EPHA7: variants seen among roughly 807,000 people sequenced by gnomAD.
The protein encoded by EPHA7 is ephrin type-A receptor 7.
EPHA7 carries 25 observed loss-of-function variants against 112.6 expected under a neutral mutation model. The observed-to-expected ratio is 0.22, with a 90% CI of 0.16 to 0.31. The LOEUF (loss-of-function observed/expected upper bound fraction) is 0.31, where lower values mean the gene tolerates loss of function less well. Among genes scored for constraint, EPHA7 ranks in the 10% least tolerant of loss-of-function variants. EPHA7 has a pLI of 1.00. For missense variants in EPHA7, 962 were observed against 1,212.6 expected, an observed-to-expected ratio of 0.79 and a Z score of 3.07; for synonymous variants, 437 against 406.5, an observed-to-expected ratio of 1.07 and a Z score of -0.90.
At chr6:93,246,067 T>G (rs187575054) in intron 15 of EPHA7, among the ~76,000 whole-genome samples, 1 of 152,138 alleles carries the variant, frequency 6.6e-6, no homozygotes, top group African/African-American at 2.4e-5. Flanking sequence ...TCTTTTTTTT[T>G]TGGAGACGGA....
chr6:93,291,764 T>G, intron 5 of EPHA7, among the ~76,000 whole-genome samples: 1 of 11,968 alleles, frequency 8.4e-5, no homozygotes, highest in South Asian at 0.011. Context: ...CGAGACTCCG[T>G]CTCAAAAAAA....
chr6:93,249,502 A>C (rs1303941279), intron 14 of EPHA7, among the ~76,000 whole-genome samples: 1 of 152,166 alleles, frequency 6.6e-6, no homozygotes, highest in Non-Finnish European at 1.5e-5. Flanking sequence ...CAAAATGACC[A>C]CACAATAAGC....
At chr6:93,357,903 A>AC (rs1416192037) in intron 4 of EPHA7, among the ~76,000 whole-genome samples, 6 of 151,786 alleles carry the variant, frequency 4.0e-5, no homozygotes, top group African/African-American at 9.7e-5. Flanking sequence ...ATTATGATCC[A>AC]CCCGCCTTGG....
chr6:93,294,783 T>C (rs1772567228), intron 5 of EPHA7, among the ~76,000 whole-genome samples: 1 of 152,074 alleles, frequency 6.6e-6, no homozygotes, highest in Admixed American at 6.6e-5. Flanking sequence ...TAGATTCACA[T>C]ATGGCATTGA....
chr6:93,399,923 A>T (rs1409390410), intron 3 of EPHA7, among the ~76,000 whole-genome samples: 1 of 152,086 alleles, frequency 6.6e-6, no homozygotes, highest in Non-Finnish European at 1.5e-5. Flanking sequence ...ATCTTTGATG[A>T]TCTTTAAGGC....
intron 9 of EPHA7, among the ~76,000 whole-genome samples, chr6:93,262,019 GAA>G (rs994146285): frequency 5.3e-5 from 8 of 151,326 alleles, no homozygotes; most frequent in Non-Finnish European, 8.9e-5. Flanking sequence ...ATAAATAAAA[GAA>G]AAGTGACATA....
intron 5 of EPHA7, among the ~76,000 whole-genome samples, chr6:93,330,967 C>A (rs1185378277): frequency 2.0e-5 from 3 of 151,326 alleles, no homozygotes; most frequent in African/African-American, 7.3e-5. Flanking sequence ...ACATGCACAC[C>A]TACCCACAAT....
rs888376578 is a variant in EPHA7 at position 93,243,474 on chromosome 6, A to G, written c.2949T>C (p.Thr983=). The G allele has an allele frequency of 1.2e-6, 2 of 1,613,490 alleles. No homozygotes were observed. The highest frequency in any genetic ancestry group is 1.3e-5 in the African/African-American group (1 of 74,922). The change falls in exon 17 of 17, where the codon ACT becomes ACC. Residue 983 remains threonine (T), a synonymous_variant. Coordinates refer to ENST00000369303, the MANE Select transcript of EPHA7 (RefSeq NM_004440.4). ...GTAAATGTAGCATTTGTGCTCTCAT[A>G]GTCTGAATGCTGCTCATGATTTTCT... ...HQKKIMSSIQ[T]MRAQMLHLHG...
chr6:93,240,161 A>C lies in EPHA7; in HGVS notation c.*3265T>G, dbSNP rs1769629266. The C allele has an allele frequency of 4.5e-6, 1 of 224,052 alleles. No individual in the cohort carries two copies. Among genetic ancestry groups the C allele is most frequent in the East Asian group, 6.5e-5 (1 of 15,392 alleles). 13.9% of individuals were successfully genotyped at this position (224,052 alleles called of 1,614,324 possible). A position where few individuals can be genotyped will look rare whatever the true frequency, so the allele number is the denominator to read the frequency against. ...AGCAGTTTGTCCTTATAAAAGGATG[A>C]CCCCTGTAGTATTTCTTAGGCAAGG... On this transcript the variant is annotated 3_prime_UTR_variant, in exon 17 of 17. Coordinates refer to ENST00000369303, the MANE Select transcript of EPHA7 (RefSeq NM_004440.4).
intron 5 of EPHA7, among the ~76,000 whole-genome samples, chr6:93,334,835 A>T (rs76157681): frequency 0.058 from 8,880 of 152,160 alleles, 328 homozygotes; most frequent in African/African-American, 0.11. Context: ...TCACCTTTAA[A>T]CTTAATCCAA....
chr6:93,325,579 C>T (rs1457791308), intron 5 of EPHA7, among the ~76,000 whole-genome samples: 2 of 151,112 alleles, frequency 1.3e-5, no homozygotes, highest in South Asian at 4.1e-4. Context: ...ATATATCTAC[C>T]TAGAGAATCA....
At chr6:93,379,524 A>C (rs1222488239) in intron 3 of EPHA7, among the ~76,000 whole-genome samples, 1 of 152,028 alleles carries the variant, frequency 6.6e-6, no homozygotes, top group Non-Finnish European at 1.5e-5. Flanking sequence ...ATAACTTTTT[A>C]TATTTAAAAA....
chr6:93,353,515 T>G (rs1775796205), intron 5 of EPHA7, among the ~76,000 whole-genome samples: 1 of 152,164 alleles, frequency 6.6e-6, no homozygotes, highest in Non-Finnish European at 1.5e-5. Context: ...TAACTGCCAA[T>G]TCTGCACTCA....
At chr6:93,291,980 T>C (rs1016135365) in intron 5 of EPHA7, among the ~76,000 whole-genome samples, 5 of 152,054 alleles carry the variant, frequency 3.3e-5, no homozygotes, top group Admixed American at 1.3e-4. Context: ...TATTCCAAAG[T>C]TAGAAAAAAT....
chr6:93,328,180 A>T (rs1216329967), intron 5 of EPHA7, among the ~76,000 whole-genome samples: 1 of 151,504 alleles, frequency 6.6e-6, no homozygotes, highest in Non-Finnish European at 1.5e-5. Flanking sequence ...CGTCATTCCA[A>T]TAAAGCCTTT....
intron 3 of EPHA7, among the ~76,000 whole-genome samples, chr6:93,374,376 C>T (rs912218564): frequency 3.9e-5 from 6 of 152,090 alleles, no homozygotes; most frequent in Admixed American, 3.9e-4. Flanking sequence ...ATCTATCTGT[C>T]TCATGCTGAG....
At chr6:93,387,353 T>G (rs1325974107) in intron 3 of EPHA7, among the ~76,000 whole-genome samples, 1 of 152,164 alleles carries the variant, frequency 6.6e-6, no homozygotes, top group Non-Finnish European at 1.5e-5. Flanking sequence ...CACCTCAGCC[T>G]GAACTTCATT....
At chr6:93,297,852 A>G (rs1462746128) in intron 5 of EPHA7, among the ~76,000 whole-genome samples, 2 of 152,116 alleles carry the variant, frequency 1.3e-5, no homozygotes, top group Non-Finnish European at 2.9e-5. Flanking sequence ...TTCAGCATAT[A>G]TCTCTCTCCA....
intron 5 of EPHA7, among the ~76,000 whole-genome samples, chr6:93,338,812 G>A (rs1049961077): frequency 6.6e-6 from 1 of 151,192 alleles, no homozygotes; most frequent in African/African-American, 2.4e-5. Context: ...TAAATTGAGT[G>A]CAATGATGGA....
Sources: gnomAD v4.1 joint callset for allele counts (sites outside exome capture counted in the v4.1 genomes callset) on GRCh38, gnomAD v4.1.1 for gene constraint, MANE v1.5 for transcripts, NCBI Gene and HGNC (gene_info 2026-07-23, HGNC 2026-07-21) for gene names.